Variants in GRID1 observed in about 807,000 individuals in gnomAD.
GRID1 encodes the protein glutamate receptor ionotropic, delta-1.
Under a neutral mutation model 98.0 loss-of-function variants are expected in GRID1, and 28 were observed. The ratio of observed to expected loss-of-function variants is 0.29; its 90% CI spans 0.21 to 0.39. The LOEUF is 0.39. GRID1 is among the 10% of genes least tolerant of loss of function. The pLI, the probability that GRID1 is intolerant of heterozygous loss-of-function variation, is 1.00. For missense variants in GRID1, 1,111 were observed against 1,340.5 expected (o/e 0.83, Z 2.67); for synonymous variants, 553 against 538.5 (o/e 1.03, Z -0.37).
At position 85,599,719 on chromosome 10, in the gene GRID1, G is replaced by T. The variant is rs1162045009; in HGVS notation, c.*2554C>A. On this transcript the variant is annotated 3_prime_UTR_variant, in exon 16 of 16. Transcript: ENST00000327946. ...CTGACACAGAAATCTGAGTTGGGAA[G>T]TTTTTTTTTTTCCTAGAGAACTTGC... 6.7e-5 allele frequency: 9 copies of T among 133,526 alleles called. No individual in the cohort carries two copies. The highest frequency in any genetic ancestry group is 1.6e-5 in the Non-Finnish European group (1 of 63,086). 8.3% of individuals were successfully genotyped at this position (133,526 alleles called of 1,614,324 possible). A position where few individuals can be genotyped will look rare whatever the true frequency, so the allele number is the denominator to read the frequency against.
rs530475842 is a variant in GRID1, at chr10:85,876,671, C to A, written c.781-7491G>T. On this transcript the variant is annotated intron_variant, in intron 5 of 15. Transcript: ENST00000327946. ...AACAGCTCCGGTCTACAGCTCCCAGCGTGAGTGACACAGAAGACAGGTGAT... is the reference window on the plus strand; with the variant it reads ...AACAGCTCCGGTCTACAGCTCCCAGAGTGAGTGACACAGAAGACAGGTGAT... 6.6e-5 allele frequency among the ~76,000 whole-genome samples: 10 copies of A among 152,164 alleles called. No homozygotes were observed. The East Asian group carries it at 1.7e-3, about 26-fold the overall frequency.
intron 3 of GRID1, among the ~76,000 whole-genome samples, chr10:86,178,747 T>A (rs1231882107): frequency 6.6e-6 from 1 of 152,076 alleles, no homozygotes. Flanking sequence ...CTGATTTCAC[T>A]CCCCTCCCTG....
At chr10:86,283,483 A>G (rs747953443) in intron 2 of GRID1, among the ~76,000 whole-genome samples, 3 of 152,136 alleles carry the variant, frequency 2.0e-5, no homozygotes, top group Non-Finnish European at 4.4e-5. Flanking sequence ...GCCTGGCATC[A>G]GGCACTTGGT....
intron 2 of GRID1, 26 bp downstream of exon 2, chr10:86,363,900 AGGCCGTGTCCCAGTG>A: frequency 6.3e-7 from 1 of 1,580,748 alleles, no homozygotes; most frequent in Non-Finnish European, 8.7e-7. Context: ...GACGCCTCGC[AGGCCGTGTCCCAGTG>A]GGCCCTGGGC....
chr10:86,012,404 G>T (rs1045896481), intron 4 of GRID1, among the ~76,000 whole-genome samples: 1 of 152,124 alleles, frequency 6.6e-6, no homozygotes, highest in Non-Finnish European at 1.5e-5. Flanking sequence ...CAGAGGGGTC[G>T]TCAGAATGTT....
intron 3 of GRID1, among the ~76,000 whole-genome samples, chr10:86,180,026 G>A (rs1251286955): frequency 6.6e-6 from 1 of 152,010 alleles, no homozygotes; most frequent in Admixed American, 6.5e-5. Context: ...AGAAACCAGA[G>A]CTCCATCAAC....
chr10:85,747,989 C>T (rs1034219826), intron 8 of GRID1, among the ~76,000 whole-genome samples: 24 of 152,084 alleles, frequency 1.6e-4, no homozygotes, highest in African/African-American at 5.8e-4. Context: ...AGAAAATGAT[C>T]AGTACATTAC....
In GRID1 at chr10:85,602,717, A is replaced by T; in HGVS notation, c.2602-16T>A. On this transcript the variant is annotated splice_polypyrimidine_tract_variant and intron_variant, in intron 15 of 15. Transcript: ENST00000327946. ...CTTCTTTGTCCTGGAGGGAAGGCAT[A>T]GGAAGGTCAGGTGGAGCCCTAACAG... The T allele has an allele frequency of 1.3e-6, 2 of 1,593,100 alleles. No individual in the cohort carries two copies. Among genetic ancestry groups the T allele is most frequent in the Non-Finnish European group, 1.7e-6 (2 of 1,166,826 alleles).
intron 8 of GRID1, among the ~76,000 whole-genome samples, chr10:85,796,331 C>A (rs1400172644): frequency 6.6e-6 from 1 of 152,118 alleles, no homozygotes; most frequent in Non-Finnish European, 1.5e-5. Flanking sequence ...TAAACCTAGA[C>A]ATATTGTGAT....
intron 13 of GRID1, among the ~76,000 whole-genome samples, chr10:85,640,556 C>G (rs746216236): frequency 1.3e-5 from 2 of 152,204 alleles, no homozygotes; most frequent in African/African-American, 2.4e-5. Context: ...TGCCATGGAA[C>G]CAGGAGCTGC....
intron 4 of GRID1, among the ~76,000 whole-genome samples, chr10:85,966,560 T>C (rs1842339016): frequency 1.3e-5 from 2 of 152,126 alleles, no homozygotes; most frequent in South Asian, 2.1e-4. Context: ...ACACCTGTAA[T>C]CCAAGGACTT....
intron 4 of GRID1, among the ~76,000 whole-genome samples, chr10:86,110,066 G>C (rs766752587): frequency 2.6e-5 from 4 of 151,138 alleles, no homozygotes; most frequent in Non-Finnish European, 5.9e-5. Context: ...TCTGCCTCTC[G>C]GGTTCAAGCA....
intron 3 of GRID1, among the ~76,000 whole-genome samples, chr10:86,198,935 T>G (rs1335584593): frequency 3.3e-5 from 5 of 152,286 alleles, no homozygotes; most frequent in Admixed American, 3.3e-4. Flanking sequence ...GTTTTGCCCT[T>G]ACAGCTCAGA....
chr10:86,084,165 G>A (rs922076018), intron 4 of GRID1, among the ~76,000 whole-genome samples: 5 of 152,104 alleles, frequency 3.3e-5, no homozygotes, highest in South Asian at 2.1e-4. Context: ...AAATGCAATC[G>A]AGGGAAGCCT....
intron 4 of GRID1, among the ~76,000 whole-genome samples, chr10:85,949,459 G>A (rs1420059073): frequency 6.6e-6 from 1 of 152,078 alleles, no homozygotes; most frequent in Non-Finnish European, 1.5e-5. Context: ...TGTGTATGTA[G>A]ACCTAATCCA....
Position 86,257,332 on chromosome 10 carries a change from T to C in GRID1, c.236-50684A>G, listed in dbSNP as rs527297285. Reference sequence around the variant, plus strand: ...GTTTTATCAATGACTGCAGAGGATATTGATTGCTACTGATTCCACTTGAGA... The same window carrying C: ...GTTTTATCAATGACTGCAGAGGATACTGATTGCTACTGATTCCACTTGAGA... On this transcript the variant is annotated intron_variant, in intron 2 of 15. Coordinates refer to ENST00000327946, the MANE Select transcript of GRID1 (RefSeq NM_017551.3). 5.3e-5 allele frequency among the ~76,000 whole-genome samples: 8 copies of C among 152,304 alleles called. No individual in the cohort carries two copies. In the East Asian group the frequency reaches 1.5e-3, roughly 29 times the overall value.
At chr10:85,790,689 C>G (rs1167038280) in intron 8 of GRID1, among the ~76,000 whole-genome samples, 2 of 152,168 alleles carry the variant, frequency 1.3e-5, no homozygotes, top group Non-Finnish European at 2.9e-5. Flanking sequence ...CGCCTTCTGT[C>G]TGGGTCAGGT....
chr10:85,615,875 T>C (rs1359695147), intron 14 of GRID1, among the ~76,000 whole-genome samples: 1 of 152,212 alleles, frequency 6.6e-6, no homozygotes, highest in African/African-American at 2.4e-5. Context: ...CCTTTGAGGA[T>C]GTCAGCAGTT....
At chr10:85,715,510 T>G (rs1017488656) in intron 12 of GRID1, among the ~76,000 whole-genome samples, 1 of 152,050 alleles carries the variant, frequency 6.6e-6, no homozygotes, top group Admixed American at 6.5e-5. Context: ...AAAAACTCAC[T>G]AACCACAAAA....
Sources: allele counts gnomAD v4.1 joint callset (sites outside exome capture counted in the v4.1 genomes callset), GRCh38; gene constraint gnomAD v4.1.1; transcripts MANE v1.5; gene names NCBI Gene and HGNC (gene_info 2026-07-23, HGNC 2026-07-21).